ARHGAP40: variants seen among roughly 807,000 people sequenced by gnomAD.
ARHGAP40 encodes the protein rho GTPase-activating protein 40.
In ARHGAP40, 43 loss-of-function variants were observed where a neutral mutation model predicts 73.5. The observed-to-expected ratio is 0.58, with a 90% CI of 0.46 to 0.75. ARHGAP40 has a LOEUF of 0.75. Ranked by LOEUF, ARHGAP40 falls within the 30% of genes least tolerant of loss-of-function variation. The pLI is 0.00. For missense variants in ARHGAP40, 734 were observed against 861.8 expected, an observed-to-expected ratio of 0.85 and a Z score of 1.86; for synonymous variants, 300 against 352.8, an observed-to-expected ratio of 0.85 and a Z score of 1.68.
At chr20:38,605,387 A>G (rs2088765506) in intron 1 of ARHGAP40, among the ~76,000 whole-genome samples, 1 of 152,196 alleles carries the variant, frequency 6.6e-6, no homozygotes, top group South Asian at 2.1e-4. Flanking sequence ...CTGACCTGAA[A>G]GGCCTGAGCA....
intron 8 of ARHGAP40, 151 bp from the exon 9 acceptor site, chr20:38,639,076 T>C: frequency 2.4e-6 from 2 of 849,286 alleles, no homozygotes; most frequent in South Asian, 3.2e-5. Context: ...ACACGCACGT[T>C]AGACCATTTC....
chr20:38,628,429 C>G (rs889607803), intron 3 of ARHGAP40, among the ~76,000 whole-genome samples: 2 of 152,050 alleles, frequency 1.3e-5, no homozygotes, highest in African/African-American at 4.8e-5. Context: ...CTCAGCCTGC[C>G]GAGTAGCTGG....
intron 1 of ARHGAP40, among the ~76,000 whole-genome samples, chr20:38,613,303 A>C (rs1168323054): frequency 6.6e-6 from 1 of 152,124 alleles, no homozygotes; most frequent in African/African-American, 2.4e-5. Context: ...CCATCTAAAA[A>C]ATGCAGGCTG....
At chr20:38,614,765 C>G (rs765895831) in intron 1 of ARHGAP40, 9 of 608,156 alleles carry the variant, frequency 1.5e-5, no homozygotes, top group Non-Finnish European at 2.9e-6. Flanking sequence ...AAACTTGTTG[C>G]TTCTCCAACA....
chr20:38,625,163 A>G (rs1361283162), intron 2 of ARHGAP40, among the ~76,000 whole-genome samples: 2 of 152,204 alleles, frequency 1.3e-5, no homozygotes, highest in African/African-American at 2.4e-5. Context: ...AAATGTAAAA[A>G]CATCCCTGGT....
Position 38,646,982 on chromosome 20 carries a change from T to C in ARHGAP40, c.1736T>C (p.Val579Ala). 1 of 1,305,380 alleles carries C rather than the reference T, an allele frequency of 7.7e-7. No homozygotes were observed. Among genetic ancestry groups the C allele is most frequent in the Non-Finnish European group, 1.0e-6 (1 of 988,982 alleles). The allele number at this position is 1,305,380 out of a possible 1,614,324, so 80.9% of individuals were successfully genotyped here. ...ACTCCCAAGGTGGCAAAGATCCAGGTGGTCTGGCCTATCAAGGACCCCTTG... is the reference window on the plus strand; with the variant it reads ...ACTCCCAAGGTGGCAAAGATCCAGGCGGTCTGGCCTATCAAGGACCCCTTG... Residue 579 changes from valine to alanine, a missense_variant, in exon 13 of 15, where the codon GTG becomes GCG. Physicochemically the swap from Val to Ala is moderately conservative, Grantham distance 64 (BLOSUM62 0). Transcript: ENST00000373345. The surrounding 1 kb of genome is among the most constrained non-coding windows in gnomAD (Gnocchi z 4.5).
exon 5 of ARHGAP40, chr20:38,629,504 G>T: frequency 7.7e-7 from 1 of 1,305,362 alleles, no homozygotes; most frequent in Non-Finnish European, 1.0e-6. Context: ...CCCCGCAGCA[G>T]CAGAGCCTGG....
At chr20:38,631,679 C>T (rs1452130300) in intron 5 of ARHGAP40, among the ~76,000 whole-genome samples, 1 of 152,118 alleles carries the variant, frequency 6.6e-6, no homozygotes, top group African/African-American at 2.4e-5. Context: ...GGAGAAGTGA[C>T]AGAATTGGCT....
intron 5 of ARHGAP40, among the ~76,000 whole-genome samples, chr20:38,631,947 ATATTTATT>A (rs958765600): frequency 1.3e-5 from 2 of 152,084 alleles, no homozygotes; most frequent in African/African-American, 2.4e-5. Flanking sequence ...AATAACATTT[ATATTTATT>A]TATTTATTTA....
At chr20:38,635,835 C>G (rs2088971459) in intron 6 of ARHGAP40, among the ~76,000 whole-genome samples, 1 of 152,030 alleles carries the variant, frequency 6.6e-6, no homozygotes, top group South Asian at 2.1e-4. Context: ...AACAAACAAC[C>G]CCCAAACTCA....
chr20:38,647,129 A>AAG lies in ARHGAP40; in HGVS notation c.1880+6_1880+7dup. ...GACATGGACAGCCTCCTTCTACAGT[A>AAG]AGAGGCACCTCCTGGAGGCAGGAGC... On this transcript the variant is annotated splice_donor_region_variant and intron_variant, in intron 13 of 14. Transcript: ENST00000373345. 7.7e-7 allele frequency: 1 copy of AAG among 1,303,348 alleles called. No homozygotes were observed. The highest frequency in any genetic ancestry group is 1.5e-5 in the African/African-American group (1 of 65,924). 80.7% of individuals were successfully genotyped at this position (1,303,348 alleles called of 1,614,324 possible). A position where few individuals can be genotyped will look rare whatever the true frequency, so the allele number is the denominator to read the frequency against.
At chr20:38,639,771 T>C (rs2089002817) in intron 9 of ARHGAP40, among the ~76,000 whole-genome samples, 1 of 152,274 alleles carries the variant, frequency 6.6e-6, no homozygotes, top group Non-Finnish European at 1.5e-5. Context: ...TGCATGTCCA[T>C]CTGTGTGCAC....
chr20:38,647,208 T>TACA, intron 13 of ARHGAP40, 82 bp downstream of exon 13: 1 of 1,191,160 alleles, frequency 8.4e-7, no homozygotes, highest in South Asian at 1.5e-5. Context: ...ACCAGGGGGT[T>TACA]ACACATACTG....
intron 5 of ARHGAP40, among the ~76,000 whole-genome samples, chr20:38,630,891 T>C (rs1174910952): frequency 6.6e-6 from 1 of 152,182 alleles, no homozygotes; most frequent in Non-Finnish European, 1.5e-5. Context: ...AAGTGTTTCT[T>C]CTTTGACCAC....
rs1460219192 is a variant in ARHGAP40 at position 38,648,706 on chromosome 20, C to T, written c.1936+8C>T. On this transcript the variant is annotated splice_region_variant and intron_variant, in intron 14 of 14. Transcript: ENST00000373345. The stretch of plus-strand genomic sequence containing the variant: ...AAGTTGGAGGGAATATCAGTAAGTT[C>T]CACTGTGGGAAACAGGAACAGAGCC... The T allele has an allele frequency of 2.3e-6, 3 of 1,305,396 alleles. No homozygotes were observed. The highest frequency in any genetic ancestry group is 2.3e-5 in the Admixed American group (1 of 43,540). 80.9% of individuals were successfully genotyped at this position (1,305,396 alleles called of 1,614,324 possible).
chr20:38,607,694 C>G (rs527928868), intron 1 of ARHGAP40, among the ~76,000 whole-genome samples: 23 of 152,326 alleles, frequency 1.5e-4, no homozygotes, highest in Non-Finnish European at 3.1e-4. Flanking sequence ...CCGACTCTTC[C>G]CAAATTGACC....
intron 11 of ARHGAP40, among the ~76,000 whole-genome samples, chr20:38,645,279 T>A (rs1223196605): frequency 6.6e-6 from 1 of 152,118 alleles, no homozygotes; most frequent in Non-Finnish European, 1.5e-5. Context: ...CCCCCATAGT[T>A]CCTTTCTTCT....
exon 2 of ARHGAP40, chr20:38,623,439 G>A: frequency 7.7e-7 from 1 of 1,290,960 alleles, no homozygotes; most frequent in African/African-American, 1.5e-5. Flanking sequence ...TCTGCTGGCT[G>A]TTCCACTGGA....
At chr20:38,643,796 C>G in exon 11 of ARHGAP40, 1 of 1,305,830 alleles carries the variant, frequency 7.7e-7, no homozygotes, top group Non-Finnish European at 1.0e-6. Context: ...CCCCTAACCT[C>G]TTTCTGCACC....
Sources: allele counts gnomAD v4.1 joint callset (sites outside exome capture counted in the v4.1 genomes callset), GRCh38; gene constraint gnomAD v4.1.1; non-coding constraint Gnocchi (gnomAD v3.1); transcripts MANE v1.5; gene names NCBI Gene and HGNC (gene_info 2026-07-23, HGNC 2026-07-21).